Variants in PHF12 observed in about 807,000 individuals in gnomAD.
PHF12 encodes the protein PHD finger protein 12, also known as PHD factor 1.
A neutral mutation model predicts 99.8 loss-of-function variants in PHF12; 6 were observed. That is an observed-to-expected ratio of 0.06 (90% CI 0.03 to 0.12). The LOEUF (loss-of-function observed/expected upper bound fraction) is 0.12, where lower values mean the gene tolerates loss of function less well. Among genes scored for constraint, PHF12 ranks in the 10% least tolerant of loss-of-function variants. The pLI is 1.00. For synonymous variants in PHF12, 480 were observed against 514.9 expected (o/e 0.93, Z 0.92); for missense variants, 954 against 1,300.1 (o/e 0.73, Z 4.09).
At chr17:28,945,723 C>T (rs965029571) in intron 2 of PHF12, among the ~76,000 whole-genome samples, 1 of 152,194 alleles carries the variant, frequency 6.6e-6, no homozygotes, top group Admixed American at 6.5e-5. Flanking sequence ...TAAAGCTGTA[C>T]TGGTTATTCT....
In PHF12 at chr17:28,912,928, T is replaced by C; in HGVS notation, c.1643A>G (p.Asn548Ser). The C allele has an allele frequency of 6.2e-7, 1 of 1,614,184 alleles. No individual in the cohort carries two copies. The highest frequency in any genetic ancestry group is 8.5e-7 in the Non-Finnish European group (1 of 1,180,022). The change falls in exon 9 of 15, where the codon AAT (asparagine) becomes AGT (serine). Residue 548 changes from asparagine (N) to serine (S), a missense_variant. This residue lies in a region of PHF12 where 392 missense variants were observed against 423.1 expected (regional missense o/e 0.93). Coordinates refer to ENST00000332830, the MANE Select transcript of PHF12 (RefSeq NM_001033561.2). ...NGPVNTEVKA[N>S]GPHLYSSPTD... ...AGGGCTGCTGTAGAGGTGTGGGCCATTAGCTTTCACCTCTGTGTTCACTGG... is the reference window on the plus strand; with the variant it reads ...AGGGCTGCTGTAGAGGTGTGGGCCACTAGCTTTCACCTCTGTGTTCACTGG...
At chr17:28,943,490 C>T (rs1327491734) in intron 2 of PHF12, among the ~76,000 whole-genome samples, 5 of 151,914 alleles carry the variant, frequency 3.3e-5, no homozygotes, top group Admixed American at 1.3e-4. Flanking sequence ...ATTAGTCGGG[C>T]GTGGTGGCGG....
chr17:28,939,880 T>C (rs2040582090), intron 2 of PHF12, among the ~76,000 whole-genome samples: 1 of 152,196 alleles, frequency 6.6e-6, no homozygotes, highest in Non-Finnish European at 1.5e-5. Flanking sequence ...GGGCTACCGT[T>C]AAATTCAAAC....
chr17:28,939,027 G>A (rs1395792067), intron 2 of PHF12, among the ~76,000 whole-genome samples: 1 of 152,170 alleles, frequency 6.6e-6, no homozygotes. Flanking sequence ...ACAAACCTTG[G>A]ACATGCGTTA....
At chr17:28,943,812 C>T (rs377410935) in intron 2 of PHF12, among the ~76,000 whole-genome samples, 1 of 152,102 alleles carries the variant, frequency 6.6e-6, no homozygotes, top group African/African-American at 2.4e-5. Flanking sequence ...CATTAAAAAG[C>T]AATGTAAGTA....
chr17:28,930,943 G>A (rs1281359493), intron 2 of PHF12, among the ~76,000 whole-genome samples: 1 of 152,196 alleles, frequency 6.6e-6, no homozygotes, highest in Admixed American at 6.5e-5. Context: ...GAGGCGGCAT[G>A]AGCCTATAGC....
At chr17:28,944,800 G>A (rs1027521878) in intron 2 of PHF12, 12 of 152,234 alleles carry the variant, frequency 7.9e-5, no homozygotes, top group African/African-American at 2.9e-4. Flanking sequence ...GCCGGGCGAG[G>A]GGAAGGAATC....
intron 2 of PHF12, among the ~76,000 whole-genome samples, chr17:28,941,095 T>TG (rs1198822004): frequency 1.3e-5 from 2 of 151,734 alleles, no homozygotes; most frequent in African/African-American, 4.8e-5. Context: ...CCTTAAAACT[T>TG]GAATGCATTT....
At chr17:28,915,148 C>G (rs1227309485) in intron 7 of PHF12, among the ~76,000 whole-genome samples, 5 of 152,094 alleles carry the variant, frequency 3.3e-5, no homozygotes, top group African/African-American at 1.2e-4. Context: ...TGGGTTGACA[C>G]TTGGAAGTTG....
chr17:28,907,904 G>GGCT (rs376407230), intron 12 of PHF12: 89 of 415,886 alleles, frequency 2.1e-4, no homozygotes, highest in African/African-American at 1.7e-3. Context: ...TAGAACATGT[G>GGCT]GCTGCTACCC....
chr17:28,905,841 C>T lies in PHF12; in HGVS notation c.*342G>A, dbSNP rs988745391. 2.7e-5 allele frequency: 6 copies of T among 221,506 alleles called. No individual in the cohort carries two copies. Among genetic ancestry groups the T allele is most frequent in the African/African-American group, 6.8e-5 (3 of 43,958 alleles). 13.7% of individuals were successfully genotyped at this position (221,506 alleles called of 1,614,324 possible). The stretch of plus-strand genomic sequence containing the variant: ...TTTCTGATTATTTTACAATGGTGGG[C>T]GAGGGGGAGGGAGCAGGAGGTGGGT... On this transcript the variant is annotated 3_prime_UTR_variant, in exon 15 of 15. Transcript: ENST00000332830.
chr17:28,912,689 T>C lies in PHF12; in HGVS notation c.1882A>G (p.Ile628Val). 1 of 1,614,148 alleles carries C rather than the reference T, an allele frequency of 6.2e-7. No homozygotes were observed. The highest frequency in any genetic ancestry group is 8.5e-7 in the Non-Finnish European group (1 of 1,180,016). ...TCGATGCTGGCACAAGAGCTGGGAA[T>C]GGAAGGGGGCAGGCTTGGGACAGGA... The part of the protein sequence containing the change: ...LVPVPSLPPS[I>V]PSSCASIENT... Residue 628 changes from isoleucine (I) to valine (V), a missense_variant, in exon 9 of 15, where the codon ATT (isoleucine) becomes GTT (valine). Ile to Val is a conservative substitution (Grantham distance 29). Transcript: ENST00000332830.
chr17:28,922,996 C>T (rs1392533929), intron 4 of PHF12, among the ~76,000 whole-genome samples: 1 of 151,426 alleles, frequency 6.6e-6, no homozygotes, highest in Non-Finnish European at 1.5e-5. Flanking sequence ...GGGAGGATTG[C>T]TTGAGCTGTG....
Position 28,951,465 on chromosome 17 carries a change from A to C in PHF12, c.-505T>G. The C allele has an allele frequency of 1.0e-6, 1 of 985,476 alleles. No individual in the cohort carries two copies. Among genetic ancestry groups the C allele is most frequent in the Non-Finnish European group, 1.2e-6 (1 of 830,018 alleles). 61.0% of individuals were successfully genotyped at this position (985,476 alleles called of 1,614,324 possible). On this transcript the variant is annotated 5_prime_UTR_variant, in exon 1 of 15. Coordinates refer to ENST00000332830, the MANE Select transcript of PHF12 (RefSeq NM_001033561.2). ...GCTGCCGCGCACTTGGCGCAAACTT[A>C]CCGCGAGCGCCCGCAAAGCCACCCG...
chr17:28,950,343 C>T lies in PHF12; in HGVS notation c.67-97G>A. 7.6e-7 allele frequency: 1 copy of T among 1,318,598 alleles called. No homozygotes were observed. Among genetic ancestry groups the T allele is most frequent in the South Asian group, 1.4e-5 (1 of 72,276 alleles). 81.7% of individuals were successfully genotyped at this position (1,318,598 alleles called of 1,614,324 possible). A position where few individuals can be genotyped will look rare whatever the true frequency, so the allele number is the denominator to read the frequency against. The stretch of plus-strand genomic sequence containing the variant: ...TTTCTCCGTCACCCACCCCTCTCCC[C>T]CCTTTTGTCCTTCTTCCTCCCATCC... On this transcript the variant is annotated intron_variant, in intron 1 of 14. Coordinates refer to ENST00000332830, the MANE Select transcript of PHF12 (RefSeq NM_001033561.2). This position sits in a 1 kb window ranked among gnomAD's most constrained non-coding sequence, Gnocchi z 5.7.
At chr17:28,934,190 A>G (rs562840451) in intron 2 of PHF12, among the ~76,000 whole-genome samples, 2 of 152,328 alleles carry the variant, frequency 1.3e-5, no homozygotes, top group African/African-American at 4.8e-5. Context: ...GGCTGGAGAT[A>G]AGGTGAAAAG....
At chr17:28,909,450 G>A (rs1043977801) in intron 11 of PHF12, 1 of 154,058 alleles carries the variant, frequency 6.5e-6, no homozygotes, top group African/African-American at 2.4e-5. Flanking sequence ...GCTCTTAATG[G>A]CCAATGCTCA....
Position 28,917,381 on chromosome 17 carries a change from C to T in PHF12, c.1038G>A (p.Ser346=), listed in dbSNP as rs764348279. The T allele has an allele frequency of 1.9e-5, 31 of 1,613,934 alleles. No homozygotes were observed. The highest frequency in any genetic ancestry group is 9.3e-5 in the African/African-American group (7 of 74,880). ...QVFDRFQDTV[S]QHVVKVDFLN... is the part of the protein sequence containing the mutation. ...GGAAGTCCACTTTGACGACATGCTGCGAAACGGTGTCCTGGAAACGATCAA... is the reference window on the plus strand; with the variant it reads ...GGAAGTCCACTTTGACGACATGCTGTGAAACGGTGTCCTGGAAACGATCAA... Residue 346 remains serine, a synonymous_variant, in exon 7 of 15, where the codon TCG becomes TCA. Transcript: ENST00000332830.
At position 28,950,535 on chromosome 17, in the gene PHF12, G is replaced by A; in HGVS notation, c.67-289C>T. ...TTCTTGCCACTTCCTTGTATGGACA[G>A]TGGGGGACTCCAAAGACCCGCTCGG... On this transcript the variant is annotated intron_variant, in intron 1 of 14. Coordinates refer to ENST00000332830, the MANE Select transcript of PHF12 (RefSeq NM_001033561.2). The surrounding 1 kb of genome is among the most constrained non-coding windows in gnomAD (Gnocchi z 5.7). 2 of 537,212 alleles carry A rather than the reference G, an allele frequency of 3.7e-6. No homozygotes were observed. Among genetic ancestry groups the A allele is most frequent in the Non-Finnish European group, 6.6e-6 (2 of 303,052 alleles). 33.3% of individuals were successfully genotyped at this position (537,212 alleles called of 1,614,324 possible). A position where few individuals can be genotyped will look rare whatever the true frequency, so the allele number is the denominator to read the frequency against.
Sources: allele counts gnomAD v4.1 joint callset (sites outside exome capture counted in the v4.1 genomes callset), GRCh38; gene constraint gnomAD v4.1.1; regional missense constraint gnomAD v4.1.1; non-coding constraint Gnocchi (gnomAD v3.1); transcripts MANE v1.5; gene names NCBI Gene and HGNC (gene_info 2026-07-23, HGNC 2026-07-21).